Variants in UBE2O observed in about 807,000 individuals in gnomAD.
UBE2O encodes ubiquitin conjugating enzyme E2 O.
In UBE2O, 15 loss-of-function variants were observed where a neutral mutation model predicts 125.8. The observed-to-expected ratio is 0.12, with a 90% CI of 0.08 to 0.18. UBE2O has a LOEUF of 0.18. UBE2O is among the 10% of genes least tolerant of loss of function. The pLI is 1.00. For missense variants in UBE2O, 1,280 were observed against 1,723.6 expected, an observed-to-expected ratio of 0.74 and a Z score of 4.56; for synonymous variants, 708 against 703.2, an observed-to-expected ratio of 1.01 and a Z score of -0.11.
At chr17:76,406,812 G>A (rs1047755108) in intron 1 of UBE2O, among the ~76,000 whole-genome samples, 2 of 143,400 alleles carry the variant, frequency 1.4e-5, no homozygotes, top group Admixed American at 1.5e-4. Flanking sequence ...CAATTCTCCC[G>A]TCTCAGCCTC....
intron 1 of UBE2O, among the ~76,000 whole-genome samples, chr17:76,435,053 T>C (rs1055106406): frequency 5.3e-5 from 8 of 151,436 alleles, no homozygotes; most frequent in Non-Finnish European, 1.0e-4. Flanking sequence ...AGGACAACAA[T>C]GAGGAGAGGA....
chr17:76,430,237 T>A lies in UBE2O; in HGVS notation c.417+22488A>T, dbSNP rs1030614750. 2.6e-5 allele frequency among the ~76,000 whole-genome samples: 4 copies of A among 152,206 alleles called. No individual in the cohort carries two copies. In the South Asian group the frequency reaches 8.3e-4, roughly 31 times the overall value. ...TTCTGTGTCCTTGTGGGTTTATACA[T>A]CTAAAAACAATTATTTTGCTGTTAT... On this transcript the variant is annotated intron_variant, in intron 1 of 17. Transcript: ENST00000319380.
chr17:76,430,979 A>G (rs1240968289), intron 1 of UBE2O: 6 of 265,560 alleles, frequency 2.3e-5, no homozygotes, highest in East Asian at 1.2e-4. Flanking sequence ...TTCTTCGTGC[A>G]TAAGTTTCCT....
chr17:76,433,287 T>C (rs188113639), intron 1 of UBE2O, among the ~76,000 whole-genome samples: 94 of 150,504 alleles, frequency 6.2e-4, no homozygotes, highest in Admixed American at 2.5e-3. Context: ...TACTGATACA[T>C]GCTACAACAT....
At position 76,396,719 on chromosome 17, in the gene UBE2O, T is replaced by C; in HGVS notation, c.2218A>G (p.Ser740Gly). 6.2e-7 allele frequency: 1 copy of C among 1,614,074 alleles called. No individual in the cohort carries two copies. The highest frequency in any genetic ancestry group is 8.5e-7 in the Non-Finnish European group (1 of 1,180,026). The change falls in exon 14 of 18, where the codon AGC becomes GGC. Residue 740 changes from serine to glycine, a missense_variant. Physicochemically the swap from Ser to Gly is moderately conservative, Grantham distance 56 (BLOSUM62 0). Coordinates refer to ENST00000319380, the MANE Select transcript of UBE2O (RefSeq NM_022066.4). The surrounding 1 kb of genome is among the most constrained non-coding windows in gnomAD (Gnocchi z 6.7). Reference sequence around the variant, plus strand: ...ACCAGCCCATTGTCCGTCTCCCAGCTGTCACTATCATCTTCCCATTCATCC... The same window carrying C: ...ACCAGCCCATTGTCCGTCTCCCAGCCGTCACTATCATCTTCCCATTCATCC... ...SSDEWEDDSD[S>G]WETDNGLVED...
rs749873487 is a variant in UBE2O at position 76,395,967 on chromosome 17, C to T, written c.2810-106G>A. ...ACACCCACAGACTTCCCACTCGCCG[C>T]TGCTGGCCTCAGCACTGTGACCACA... On this transcript the variant is annotated intron_variant, in intron 14 of 17. Transcript: ENST00000319380. The surrounding 1 kb of genome is among the most constrained non-coding windows in gnomAD (Gnocchi z 5.0). 12 of 1,550,190 alleles carry T rather than the reference C, an allele frequency of 7.7e-6. No homozygotes were observed. In the South Asian group the frequency reaches 1.2e-4, roughly 16 times the overall value.
rs757283649 is a variant in UBE2O at position 76,401,166 on chromosome 17, G to A, written c.751-12C>T. 1.9e-6 allele frequency: 3 copies of A among 1,612,240 alleles called. No homozygotes were observed. Among genetic ancestry groups the A allele is most frequent in the Non-Finnish European group, 1.7e-6 (2 of 1,179,176 alleles). On this transcript the variant is annotated splice_polypyrimidine_tract_variant and intron_variant, in intron 5 of 17. Coordinates refer to ENST00000319380, the MANE Select transcript of UBE2O (RefSeq NM_022066.4). Reference sequence around the variant, plus strand: ...TCGAAGAAGAGACCCTGCGGGATGTGGGGCCAAAGGAAAGTCCCCGTGAGC... The same window carrying A: ...TCGAAGAAGAGACCCTGCGGGATGTAGGGCCAAAGGAAAGTCCCCGTGAGC...
chr17:76,392,798 C>T (rs528676509), intron 15 of UBE2O, among the ~76,000 whole-genome samples: 1 of 151,764 alleles, frequency 6.6e-6, no homozygotes, highest in Non-Finnish European at 1.5e-5. Flanking sequence ...ACTAAAAATA[C>T]AAAAATTAGC....
intron 1 of UBE2O, among the ~76,000 whole-genome samples, chr17:76,445,246 A>C (rs2073133722): frequency 6.7e-6 from 1 of 150,094 alleles, no homozygotes; most frequent in African/African-American, 2.5e-5. Context: ...TCCAAGCATG[A>C]CTCAGTGTTT....
Position 76,402,823 on chromosome 17 carries a change from C to T in UBE2O, c.589-124G>A, listed in dbSNP as rs1033632135. 3.9e-5 allele frequency: 31 copies of T among 793,420 alleles called. No individual in the cohort carries two copies. Among genetic ancestry groups the T allele is most frequent in the African/African-American group, 3.4e-4 (20 of 58,986 alleles). The allele number at this position is 793,420 out of a possible 1,614,324, so 49.1% of individuals were successfully genotyped here. On this transcript the variant is annotated intron_variant, in intron 3 of 17. Coordinates refer to ENST00000319380, the MANE Select transcript of UBE2O (RefSeq NM_022066.4). This position sits in a 1 kb window ranked among gnomAD's most constrained non-coding sequence, Gnocchi z 5.4. ...GATCTAGACAGCTCACTGACTGGACCGGTTGGCTACTAGCCCTAAACAGCT... is the reference window on the plus strand; with the variant it reads ...GATCTAGACAGCTCACTGACTGGACTGGTTGGCTACTAGCCCTAAACAGCT...
chr17:76,406,199 C>A (rs950797987), intron 1 of UBE2O, among the ~76,000 whole-genome samples: 4 of 152,252 alleles, frequency 2.6e-5, no homozygotes, highest in African/African-American at 9.6e-5. Context: ...ACTGCACGAG[C>A]ACCTGATTGT....
chr17:76,391,145 G>A lies in UBE2O; in HGVS notation c.3677C>T (p.Ala1226Val), dbSNP rs754822739. 4.3e-6 allele frequency: 7 copies of A among 1,613,936 alleles called. No individual in the cohort carries two copies. Among genetic ancestry groups the A allele is most frequent in the Non-Finnish European group, 5.9e-6 (7 of 1,179,924 alleles). Reference sequence around the variant, plus strand: ...TGGTTTCACACTGGGTGGCACCGATGCGTCTGGTGCGGTCTCCGAAGTCTG... The same window carrying A: ...TGGTTTCACACTGGGTGGCACCGATACGTCTGGTGCGGTCTCCGAAGTCTG... Reference protein sequence around the residue: ...TDQTSETAPDASVPPSVKPKK... With the variant: ...TDQTSETAPDVSVPPSVKPKK... The change falls in exon 18 of 18, where the codon GCA becomes GTA. Residue 1226 changes from alanine (A) to valine (V), a missense_variant. Ala to Val is a moderately conservative substitution (Grantham distance 64). Transcript: ENST00000319380. The surrounding 1 kb of genome is among the most constrained non-coding windows in gnomAD (Gnocchi z 8.4).
chr17:76,394,156 A>G (rs2072163825), intron 15 of UBE2O, among the ~76,000 whole-genome samples: 1 of 152,258 alleles, frequency 6.6e-6, no homozygotes, highest in South Asian at 2.1e-4. Flanking sequence ...GCCCATCTCA[A>G]CAGCATCCCG....
In UBE2O at chr17:76,395,791, C is replaced by T. The variant is rs774922034; in HGVS notation, c.2880G>A (p.Lys960=). Residue 960 remains lysine, a synonymous_variant, in exon 15 of 18, where the codon AAG becomes AAA. Coordinates refer to ENST00000319380, the MANE Select transcript of UBE2O (RefSeq NM_022066.4). This position sits in a 1 kb window ranked among gnomAD's most constrained non-coding sequence, Gnocchi z 5.0. The part of the protein sequence containing the change: ...EAKKFFSTVR[K]EMALLATSLP... ...GTGAGGTAGCCAGCAGCGCCATCTC[C>T]TTCCGCACTGTGCTGAAGAACTTCT... The T allele has an allele frequency of 1.2e-6, 2 of 1,614,220 alleles. No homozygotes were observed. Among genetic ancestry groups the T allele is most frequent in the Non-Finnish European group, 1.7e-6 (2 of 1,180,040 alleles).
rs1382075512 is a variant in UBE2O, at chr17:76,396,774, C to G, written c.2163G>C (p.Ser721=). The part of the protein sequence containing the change: ...ESEIEESDYD[S]VEGSTSGASS... ...ATGCCCCGCTGGTGCTGCCTTCTAC[C>G]GAATCGTAGTCTGACTCCTCAATCT... Residue 721 remains serine (S), a synonymous_variant, in exon 14 of 18, where the codon TCG becomes TCC. Transcript: ENST00000319380. The surrounding 1 kb of genome is among the most constrained non-coding windows in gnomAD (Gnocchi z 6.7). 2 of 1,612,006 alleles carry G rather than the reference C, an allele frequency of 1.2e-6. No individual in the cohort carries two copies. Among genetic ancestry groups the G allele is most frequent in the Admixed American group, 1.7e-5 (1 of 59,824 alleles).
chr17:76,423,806 C>T (rs531801689), intron 1 of UBE2O, among the ~76,000 whole-genome samples: 9 of 151,396 alleles, frequency 5.9e-5, no homozygotes, highest in South Asian at 2.1e-4. Context: ...AGGTGGCCTA[C>T]GGCACAGTGT....
intron 1 of UBE2O, among the ~76,000 whole-genome samples, chr17:76,443,946 C>T (rs954598149): frequency 2.6e-5 from 4 of 152,312 alleles, no homozygotes; most frequent in Admixed American, 6.5e-5. Context: ...GTCGGCCAGG[C>T]GCGGTAGCTC....
chr17:76,389,899 A>T lies in UBE2O; in HGVS notation c.*1044T>A, dbSNP rs2072073489. 6.6e-6 allele frequency: 1 copy of T among 152,540 alleles called. No individual in the cohort carries two copies. The highest frequency in any genetic ancestry group is 6.5e-5 in the Admixed American group (1 of 15,282). The allele number at this position is 152,540 out of a possible 1,614,324, so 9.4% of individuals were successfully genotyped here. On this transcript the variant is annotated 3_prime_UTR_variant, in exon 18 of 18. Transcript: ENST00000319380. The stretch of plus-strand genomic sequence containing the variant: ...ATACACCAAAAATTACATAGCTGCA[A>T]TGTGCTCAACAGCATCCTCTCGGCC...
At position 76,405,462 on chromosome 17, in the gene UBE2O, C is replaced by T. The variant is rs775823261; in HGVS notation, c.477+51G>A. On this transcript the variant is annotated intron_variant, in intron 2 of 17. Transcript: ENST00000319380. This position sits in a 1 kb window ranked among gnomAD's most constrained non-coding sequence, Gnocchi z 6.1. ...GTGCGAGGTGGGCAGGCTCAAGTCC[C>T]TAAGGTGGCTGCCCCCAGGCCCGGG... 78 of 1,569,302 alleles carry T rather than the reference C, an allele frequency of 5.0e-5. No individual in the cohort carries two copies. In the South Asian group the frequency reaches 8.7e-4, roughly 17 times the overall value.
Sources: allele counts gnomAD v4.1 joint callset (sites outside exome capture counted in the v4.1 genomes callset), GRCh38; gene constraint gnomAD v4.1.1; non-coding constraint Gnocchi (gnomAD v3.1); transcripts MANE v1.5; gene names NCBI Gene and HGNC (gene_info 2026-07-23, HGNC 2026-07-21).